Variants in EPHB1 observed in about 807,000 individuals in gnomAD.
EPHB1 encodes the protein EPH receptor B1, also known as ephrin type-B receptor 1.
A neutral mutation model predicts 94.4 loss-of-function variants in EPHB1; 30 were observed. That is an observed-to-expected ratio of 0.32 (90% CI 0.24 to 0.43). EPHB1 has a LOEUF of 0.43. EPHB1 is among the 20% of genes least tolerant of loss of function. EPHB1 has a pLI of 1.00. For missense variants in EPHB1, 1,055 were observed against 1,308.3 expected, an observed-to-expected ratio of 0.81 and a Z score of 2.99; for synonymous variants, 522 against 489.1, an observed-to-expected ratio of 1.07 and a Z score of -0.89.
chr3:135,194,056 A>G (rs1576460063), intron 11 of EPHB1, among the ~76,000 whole-genome samples: 1 of 152,324 alleles, frequency 6.6e-6, no homozygotes, highest in East Asian at 1.9e-4. Flanking sequence ...GTCTCAAGAA[A>G]AAGCATCCCA....
chr3:135,168,738 G>A (rs1419572350), intron 9 of EPHB1, among the ~76,000 whole-genome samples: 1 of 152,140 alleles, frequency 6.6e-6, no homozygotes, highest in African/African-American at 2.4e-5. Context: ...TTCATCATGA[G>A]CCACTGTAAG....
rs73861901 is a variant in EPHB1 at position 134,969,096 on chromosome 3, C to T, written c.805+17044C>T. On this transcript the variant is annotated intron_variant, in intron 3 of 15. Coordinates refer to ENST00000398015, the MANE Select transcript of EPHB1 (RefSeq NM_004441.5). ...TATGTTTAACTGCTAGATCAGTTTTCAGGGTGCCTGTACCATTTTCCATTA... is the reference window on the plus strand; with the variant it reads ...TATGTTTAACTGCTAGATCAGTTTTTAGGGTGCCTGTACCATTTTCCATTA... 4.8e-3 allele frequency among the ~76,000 whole-genome samples: 725 copies of T among 152,308 alleles called. 3 individuals are homozygous for T. The highest frequency in any genetic ancestry group is 0.017 in the African/African-American group (703 of 41,554).
chr3:134,872,885 C>T (rs1397783371), intron 1 of EPHB1, among the ~76,000 whole-genome samples: 48 of 152,156 alleles, frequency 3.2e-4, no homozygotes, highest in Admixed American at 3.1e-3. Flanking sequence ...AGCCTGGCAT[C>T]CCAAGAAAAC....
At chr3:134,840,116 T>C (rs1464662861) in intron 1 of EPHB1, among the ~76,000 whole-genome samples, 1 of 152,256 alleles carries the variant, frequency 6.6e-6, no homozygotes, top group Admixed American at 6.5e-5. Context: ...GAATCAGCTA[T>C]TTCTATGCAT....
intron 2 of EPHB1, among the ~76,000 whole-genome samples, chr3:134,946,954 C>T (rs1010273880): frequency 1.3e-5 from 2 of 152,232 alleles, no homozygotes; most frequent in Non-Finnish European, 2.9e-5. Flanking sequence ...AAAATGGACT[C>T]ATACAGAGGG....
Position 135,192,653 on chromosome 3 carries a change from A to C in EPHB1, c.1960A>C (p.Lys654Gln). The C allele has an allele frequency of 6.2e-7, 1 of 1,614,152 alleles. No homozygotes were observed. The highest frequency in any genetic ancestry group is 8.5e-7 in the Non-Finnish European group (1 of 1,180,020). The change falls in exon 11 of 16, where the codon AAG becomes CAG. Residue 654 changes from lysine (K) to glutamine (Q), a missense_variant. Physicochemically the swap from Lys to Gln is moderately conservative, Grantham distance 53. Transcript: ENST00000398015. The part of the protein sequence containing the change: ...REIYVAIKTL[K>Q]AGYSEKQRRD... ...AATCTACGTGGCCATCAAGACCCTGAAGGCAGGGTACTCGGAGAAGCAGCG... is the reference window on the plus strand; with the variant it reads ...AATCTACGTGGCCATCAAGACCCTGCAGGCAGGGTACTCGGAGAAGCAGCG...
At chr3:134,803,481 G>A (rs1327790434) in intron 1 of EPHB1, among the ~76,000 whole-genome samples, 1 of 152,166 alleles carries the variant, frequency 6.6e-6, no homozygotes, top group Non-Finnish European at 1.5e-5. Context: ...GCACAGTCTT[G>A]ACATGACATG....
At chr3:134,990,894 C>T (rs1052334948) in intron 3 of EPHB1, among the ~76,000 whole-genome samples, 3 of 152,128 alleles carry the variant, frequency 2.0e-5, no homozygotes, top group African/African-American at 7.2e-5. Context: ...TCGGCAATCT[C>T]CCTTTTATAT....
At chr3:134,990,580 G>A (rs978175645) in intron 3 of EPHB1, among the ~76,000 whole-genome samples, 1 of 152,026 alleles carries the variant, frequency 6.6e-6, no homozygotes, top group Non-Finnish European at 1.5e-5. Context: ...AGTTTTATCT[G>A]TCAGTATCTG....
intron 3 of EPHB1, among the ~76,000 whole-genome samples, chr3:135,007,581 T>A (rs979975611): frequency 6.6e-6 from 1 of 152,206 alleles, no homozygotes; most frequent in Non-Finnish European, 1.5e-5. Flanking sequence ...TTTTCTGGGA[T>A]GCAGACTCAC....
At chr3:135,255,047 G>A (rs1449123362) in intron 15 of EPHB1, among the ~76,000 whole-genome samples, 2 of 152,128 alleles carry the variant, frequency 1.3e-5, no homozygotes, top group African/African-American at 2.4e-5. Flanking sequence ...GTATTTCTGT[G>A]GGATCGGTGG....
intron 1 of EPHB1, among the ~76,000 whole-genome samples, chr3:134,847,438 A>C (rs2036896625): frequency 6.6e-6 from 1 of 152,248 alleles, no homozygotes; most frequent in Non-Finnish European, 1.5e-5. Flanking sequence ...CTACTTTACC[A>C]GTCCATGGGG....
chr3:135,088,055 C>G (rs1406477828), intron 3 of EPHB1, among the ~76,000 whole-genome samples: 1 of 151,764 alleles, frequency 6.6e-6, no homozygotes, highest in Non-Finnish European at 1.5e-5. Context: ...TTTTTCTCTT[C>G]CTTTAGAGGC....
intron 5 of EPHB1, among the ~76,000 whole-genome samples, chr3:135,151,500 C>T (rs1941192897): frequency 6.6e-6 from 1 of 152,138 alleles, no homozygotes; most frequent in African/African-American, 2.4e-5. Flanking sequence ...TTCCCCTTTC[C>T]ATTTTTTCAT....
chr3:134,950,807 G>A (rs1167783423), intron 2 of EPHB1, among the ~76,000 whole-genome samples: 1 of 152,112 alleles, frequency 6.6e-6, no homozygotes, highest in African/African-American at 2.4e-5. Context: ...AACCATATCA[G>A]TCTTTCAAAG....
chr3:135,028,140 G>A (rs1199628408), intron 3 of EPHB1, among the ~76,000 whole-genome samples: 5 of 144,898 alleles, frequency 3.5e-5, no homozygotes, highest in East Asian at 2.0e-4. Context: ...TCTTGCTAGC[G>A]GTCTATCAAT....
intron 1 of EPHB1, among the ~76,000 whole-genome samples, chr3:134,915,232 T>G (rs2107696664): frequency 6.6e-6 from 1 of 152,284 alleles, no homozygotes; most frequent in South Asian, 2.1e-4. Context: ...CAGCCTTATT[T>G]GGAAACAGGG....
intron 1 of EPHB1, among the ~76,000 whole-genome samples, chr3:134,809,616 A>C (rs1261005702): frequency 6.6e-6 from 1 of 152,246 alleles, no homozygotes; most frequent in Non-Finnish European, 1.5e-5. Flanking sequence ...TCTCTGACAC[A>C]GACTGCCAGG....
intron 3 of EPHB1, among the ~76,000 whole-genome samples, chr3:135,043,904 A>G (rs1228695970): frequency 6.6e-6 from 1 of 152,218 alleles, no homozygotes; most frequent in Non-Finnish European, 1.5e-5. Context: ...TTGGCCTCTC[A>G]GTGATCTTCA....
Sources: gnomAD v4.1 joint callset for allele counts (sites outside exome capture counted in the v4.1 genomes callset) on GRCh38, gnomAD v4.1.1 for gene constraint, MANE v1.5 for transcripts, NCBI Gene and HGNC (gene_info 2026-07-23, HGNC 2026-07-21) for gene names.